The following TULP4 variants were observed in gnomAD, a reference collection of about 807,000 sequenced individuals.
TULP4 encodes the protein TUB like protein 4.
In TULP4, 16 loss-of-function variants were observed where a neutral mutation model predicts 129.0. The ratio of observed to expected loss-of-function variants is 0.12; its 90% CI spans 0.08 to 0.19. The LOEUF is 0.19. TULP4 is among the 10% of genes least tolerant of loss of function. The pLI, the probability that TULP4 is intolerant of heterozygous loss-of-function variation, is 1.00. For synonymous variants in TULP4, 998 were observed against 854.0 expected (o/e 1.17, Z -2.94); for missense variants, 1,842 against 2,059.1 (o/e 0.89, Z 2.04).
rs575683398 is a variant in TULP4, at chr6:158,288,485, TA to T, written n.116+6117del. The stretch of plus-strand genomic sequence containing the variant: ...GAAATTCTCTTCCTAATTTGGAATC[TA>T]AAAAAAAAATGAGTGTTGAATTTTT... On this transcript the variant is annotated intron_variant and non_coding_transcript_variant, in intron 1 of 1. Coordinates refer to the TULP4 transcript ENST00000432358. Among the ~76,000 whole-genome samples, 416 of 147,454 alleles carry T rather than the reference TA, an allele frequency of 2.8e-3. 1 individual carries two copies. Among genetic ancestry groups the T allele is most frequent in the African/African-American group, 8.9e-3 (362 of 40,596 alleles).
rs950832594 is a variant in TULP4, at chr6:158,501,709, C to T, written c.2046C>T (p.Ser682=). 2 of 1,611,982 alleles carry T rather than the reference C, an allele frequency of 1.2e-6. No individual in the cohort carries two copies. The highest frequency in any genetic ancestry group is 3.3e-4 in the Middle Eastern group (2 of 6,050). Residue 682 remains serine, a synonymous_variant, in exon 13 of 14, where the codon AGC becomes AGT. Coordinates refer to ENST00000367097, the MANE Select transcript of TULP4 (RefSeq NM_020245.5). ...VTGASGVPEN[S]PPCTVNIPIA... ...GAGCATCTGGTGTCCCTGAGAACAG[C>T]CCACCTTGTACCGTGAACATCCCTA... is the stretch of plus-strand genomic sequence containing the variant.
chr6:158,358,099 A>C (rs1789040673), intron 1 of TULP4, among the ~76,000 whole-genome samples: 1 of 152,220 alleles, frequency 6.6e-6, no homozygotes, highest in Non-Finnish European at 1.5e-5. Flanking sequence ...TTTTAATGTT[A>C]CTAATCCAGA....
chr6:158,491,050 T>C (rs1780187864), intron 9 of TULP4, among the ~76,000 whole-genome samples: 1 of 151,990 alleles, frequency 6.6e-6, no homozygotes, highest in South Asian at 2.1e-4. Flanking sequence ...GGGAAAGGAG[T>C]TGCATGGTCA....
intron 1 of TULP4, among the ~76,000 whole-genome samples, chr6:158,395,309 G>T (rs958821883): frequency 1.3e-5 from 2 of 152,106 alleles, no homozygotes; most frequent in Admixed American, 6.5e-5. Flanking sequence ...GGCCGGGCAC[G>T]GTGGCTCATG....
chr6:158,353,144 C>CA (rs1365697180), intron 1 of TULP4, among the ~76,000 whole-genome samples: 1 of 152,232 alleles, frequency 6.6e-6, no homozygotes, highest in Non-Finnish European at 1.5e-5. Context: ...ATCGACCTCC[C>CA]AGGCCTCCTG....
intron 2 of TULP4, among the ~76,000 whole-genome samples, chr6:158,427,587 A>G (rs1778530862): frequency 7.3e-6 from 1 of 137,532 alleles, no homozygotes; most frequent in African/African-American, 2.7e-5. Context: ...TCCACCTCCC[A>G]GGTTCAAGCG....
At chr6:158,453,985 C>T (rs1779227560) in intron 5 of TULP4, among the ~76,000 whole-genome samples, 1 of 145,054 alleles carries the variant, frequency 6.9e-6, no homozygotes, top group Non-Finnish European at 1.5e-5. Flanking sequence ...ATATACTTAA[C>T]TGTTGGTTGG....
chr6:158,332,200 A>AATATAT (rs776893885), intron 1 of TULP4, among the ~76,000 whole-genome samples: 97 of 17,918 alleles, frequency 5.4e-3, no homozygotes, highest in African/African-American at 0.012. Context: ...AAAAAAAAAA[A>AATATAT]ATATATATAT....
chr6:158,294,618 T>G (rs1778998063), intron 1 of TULP4, among the ~76,000 whole-genome samples: 1 of 152,168 alleles, frequency 6.6e-6, no homozygotes, highest in African/African-American at 2.4e-5. Context: ...GAGGAGAAAC[T>G]GGGATGTGTT....
Position 158,502,079 on chromosome 6 carries a change from C to T in TULP4, c.2416C>T (p.Arg806Trp), listed in dbSNP as rs534676989. The change falls in exon 13 of 14, where the codon CGG becomes TGG. Residue 806 changes from arginine (R) to tryptophan (W), a missense_variant. This residue lies in a region of TULP4 where 1,089 missense variants were observed against 987.1 expected (regional missense o/e 1.10). Coordinates refer to ENST00000367097, the MANE Select transcript of TULP4 (RefSeq NM_020245.5). ...EHLQKSAKALRPTPQLAAEGD... is the reference protein window; with the variant it reads ...EHLQKSAKALWPTPQLAAEGD... ...CCTGCAGAAGTCAGCCAAGGCCCTG[C>T]GGCCAACACCGCAGCTGGCAGCTGA... The T allele has an allele frequency of 6.6e-5, 106 of 1,612,024 alleles. No homozygotes were observed. Among genetic ancestry groups the T allele is most frequent in the African/African-American group, 2.3e-4 (17 of 74,942 alleles).
intron 2 of TULP4, among the ~76,000 whole-genome samples, chr6:158,420,896 G>A (rs1004455105): frequency 2.6e-5 from 4 of 152,248 alleles, no homozygotes; most frequent in East Asian, 3.9e-4. Context: ...TCAACAAAGC[G>A]TCGAACTCTG....
intron 3 of TULP4, among the ~76,000 whole-genome samples, chr6:158,431,835 G>A (rs917240194): frequency 1.3e-5 from 2 of 152,096 alleles, no homozygotes; most frequent in African/African-American, 4.8e-5. Flanking sequence ...TGACGTGCCT[G>A]GCCTTGAGTC....
At chr6:158,439,700 C>CCTT (rs1778839912) in intron 3 of TULP4, among the ~76,000 whole-genome samples, 2 of 68,234 alleles carry the variant, frequency 2.9e-5, no homozygotes. Flanking sequence ...ACTAGAGTTT[C>CCTT]TTTTTTTTTT....
chr6:158,348,427 C>A (rs906321936), intron 1 of TULP4, among the ~76,000 whole-genome samples: 7 of 152,012 alleles, frequency 4.6e-5, no homozygotes, highest in African/African-American at 1.7e-4. Context: ...GCACATCTTG[C>A]ACCGCCCTTA....
At chr6:158,233,906 A>G (rs1196752955) in intron 1 of TULP4, among the ~76,000 whole-genome samples, 1 of 152,098 alleles carries the variant, frequency 6.6e-6, no homozygotes, top group Non-Finnish European at 1.5e-5. Context: ...TAGCAGGTTT[A>G]TTTATTTATT....
intron 5 of TULP4, among the ~76,000 whole-genome samples, chr6:158,453,155 G>A (rs1372993090): frequency 1.3e-5 from 2 of 152,070 alleles, no homozygotes; most frequent in Non-Finnish European, 2.9e-5. Context: ...GAATTATTCA[G>A]CAGTCACAGG....
intron 5 of TULP4, among the ~76,000 whole-genome samples, chr6:158,461,058 C>T (rs1394171578): frequency 6.6e-6 from 1 of 152,180 alleles, no homozygotes; most frequent in Non-Finnish European, 1.5e-5. Context: ...ATGTGACAAA[C>T]ACCTGTTTTT....
chr6:158,462,747 C>CTTTTT (rs56829575), intron 6 of TULP4, among the ~76,000 whole-genome samples: 3 of 127,854 alleles, frequency 2.3e-5, no homozygotes, highest in Non-Finnish European at 3.3e-5. Flanking sequence ...TTTTTTTTTC[C>CTTTTT]TTTTTTTTTT....
At chr6:158,351,961 A>G (rs922760362) in intron 1 of TULP4, among the ~76,000 whole-genome samples, 1 of 151,964 alleles carries the variant, frequency 6.6e-6, no homozygotes, top group Non-Finnish European at 1.5e-5. Context: ...ACCTCAGATG[A>G]TGCGTCTGCC....
Sources: gnomAD v4.1 joint callset for allele counts (sites outside exome capture counted in the v4.1 genomes callset) on GRCh38, gnomAD v4.1.1 for gene constraint, gnomAD v4.1.1 regional missense constraint, MANE v1.5 for transcripts, NCBI Gene and HGNC (gene_info 2026-07-23, HGNC 2026-07-21) for gene names.